The following MX1 variants were observed in gnomAD, a reference collection of about 807,000 sequenced individuals.
The protein encoded by MX1 is MX dynamin like GTPase 1.
Under a neutral mutation model 66.4 loss-of-function variants are expected in MX1, and 66 were observed. The observed-to-expected ratio is 0.99, with a 90% confidence interval of 0.82 to 1.22. The LOEUF (loss-of-function observed/expected upper bound fraction) is 1.22. Among genes scored for constraint, MX1 ranks in the 50% most tolerant of loss-of-function variants. MX1 has a pLI of 0.00. For missense variants in MX1, 787 were observed against 834.3 expected (o/e 0.94, Z 0.70); for synonymous variants, 311 against 318.1 (o/e 0.98, Z 0.24).
At chr21:41,438,654 C>T (rs2090427184) in intron 7 of MX1, among the ~76,000 whole-genome samples, 1 of 152,224 alleles carries the variant, frequency 6.6e-6, no homozygotes, top group African/African-American at 2.4e-5. Context: ...GATTTTCTCT[C>T]TCTCCATGGA....
chr21:41,425,330 G>A (rs2090040094), upstream of MX1, among the ~76,000 whole-genome samples: 1 of 152,174 alleles, frequency 6.6e-6, no homozygotes, highest in Non-Finnish European at 1.5e-5. Context: ...GGGCAGGGGT[G>A]AATCTCACAA....
At chr21:41,440,590 G>T (rs1010799799) in intron 8 of MX1, among the ~76,000 whole-genome samples, 2 of 152,116 alleles carry the variant, frequency 1.3e-5, no homozygotes, top group Non-Finnish European at 2.9e-5. Flanking sequence ...GGGGTTTTTT[G>T]GCCACCATTT....
chr21:41,449,567 A>G (rs924576255), intron 14 of MX1: 3 of 330,360 alleles, frequency 9.1e-6, no homozygotes, highest in South Asian at 7.9e-5. Flanking sequence ...CAGACCTCCT[A>G]TTCTTCTGAT....
intron 15 of MX1, among the ~76,000 whole-genome samples, chr21:41,451,759 C>T (rs1011052094): frequency 6.6e-6 from 1 of 150,476 alleles, no homozygotes; most frequent in Admixed American, 6.7e-5. Context: ...TGATTGAGCC[C>T]AGGAGGTGGA....
intron 3 of MX1, chr21:41,429,110 T>C (rs2090142435): frequency 6.6e-6 from 1 of 151,850 alleles, no homozygotes; most frequent in African/African-American, 2.4e-5. Flanking sequence ...GAGCTAGGAG[T>C]CGCCACCTCT....
At position 41,441,658 on chromosome 21, in the gene MX1, C is replaced by T. The variant is rs751383879; in HGVS notation, c.731-58C>T. The T allele has an allele frequency of 6.5e-5, 103 of 1,573,492 alleles. No homozygotes were observed. Among genetic ancestry groups the T allele is most frequent in the Non-Finnish European group, 8.3e-5 (95 of 1,143,942 alleles). On this transcript the variant is annotated intron_variant, in intron 9 of 16. Transcript: ENST00000398598. This position sits in a 1 kb window ranked among gnomAD's most constrained non-coding sequence, Gnocchi z 4.0. Reference sequence around the variant, plus strand: ...GAGGCCGGGGGCGTGAGCAGTTGTTCGTTCACCTCTGCCTCGTGACTGAGC... The same window carrying T: ...GAGGCCGGGGGCGTGAGCAGTTGTTTGTTCACCTCTGCCTCGTGACTGAGC...
intron 7 of MX1, 28 bp downstream of exon 7, chr21:41,437,180 T>G: frequency 6.2e-7 from 1 of 1,613,078 alleles, no homozygotes. Context: ...GGATGCCTGG[T>G]CAAGCCTTCT....
chr21:41,442,006 AGTGTGTGTGT>A, intron 10 of MX1, 92 bp downstream of exon 10: 1 of 909,318 alleles, frequency 1.1e-6, no homozygotes, highest in Non-Finnish European at 1.8e-6. Flanking sequence ...AGATGTGTGG[AGTGTGTGTGT>A]GTGTGTGTGC....
intron 14 of MX1, among the ~76,000 whole-genome samples, chr21:41,450,769 T>A (rs1341483399): frequency 6.6e-6 from 1 of 151,954 alleles, no homozygotes; most frequent in East Asian, 1.9e-4. Flanking sequence ...ATAATATAAA[T>A]TTTTTAATCT....
intron 15 of MX1, 38 bp from the exon 16 acceptor site, chr21:41,452,583 T>G: frequency 6.4e-7 from 1 of 1,568,354 alleles, no homozygotes; most frequent in African/African-American, 1.4e-5. Flanking sequence ...GGAATTTGTG[T>G]CTTGAGGGAA....
chr21:41,452,249 A>G (rs1005494534), intron 15 of MX1, among the ~76,000 whole-genome samples: 2 of 152,198 alleles, frequency 1.3e-5, no homozygotes, highest in African/African-American at 2.4e-5. Context: ...TGACTTAAAC[A>G]TGGCTTTCCT....
At chr21:41,440,782 C>T (rs1202473609) in intron 8 of MX1, 105 bp from the exon 9 acceptor site, 30 of 1,329,394 alleles carry the variant, frequency 2.3e-5, no homozygotes, top group Non-Finnish European at 1.7e-5. Flanking sequence ...GGGGGAAATA[C>T]CCCTGGGACT....
chr21:41,425,469 G>C (rs1049694105), upstream of MX1, among the ~76,000 whole-genome samples: 1 of 152,148 alleles, frequency 6.6e-6, no homozygotes, highest in Admixed American at 6.6e-5. Context: ...AGTTAAGGCT[G>C]TTTTTACTTC....
At chr21:41,447,668 G>T (rs2090701049) in intron 13 of MX1, among the ~76,000 whole-genome samples, 1 of 152,174 alleles carries the variant, frequency 6.6e-6, no homozygotes. Context: ...TGTGGGGTTT[G>T]GGAGTTATGT....
chr21:41,421,949 AC>A (rs2089998224), upstream of MX1: 1 of 152,338 alleles, frequency 6.6e-6, no homozygotes, highest in African/African-American at 2.4e-5. Flanking sequence ...TGAGCCATCA[AC>A]GCTGCCATTC....
chr21:41,441,041 CCCCACTGTGCTCAGTGAGA>C lies in MX1; in HGVS notation c.730+17_730+35del. ...AGGACCATCGGTGAGAGTGGGGGAG[CCCCACTGTGCTCAGTGAGA>C]ATGGGGGAGCCCGCCTGTGCTCGGT... On this transcript the variant is annotated intron_variant, in intron 9 of 16. Transcript: ENST00000398598. The surrounding 1 kb of genome is among the most constrained non-coding windows in gnomAD (Gnocchi z 4.0). 6.2e-7 allele frequency: 1 copy of C among 1,610,360 alleles called. No homozygotes were observed. Among genetic ancestry groups the C allele is most frequent in the Non-Finnish European group, 8.5e-7 (1 of 1,178,684 alleles).
rs1217556992 is a variant in MX1 at position 41,451,066 on chromosome 21, G to T, written c.1433-101G>T. The stretch of plus-strand genomic sequence containing the variant: ...AGAGAAGAAGGGAGCGGGGAGAGGG[G>T]AAACTTTACTTCATACCATTTGATC... On this transcript the variant is annotated intron_variant, in intron 14 of 16. Transcript: ENST00000398598. 6 of 773,280 alleles carry T rather than the reference G, an allele frequency of 7.8e-6. No individual in the cohort carries two copies. In the African/African-American group the frequency reaches 1.0e-4, roughly 14 times the overall value. The allele number at this position is 773,280 out of a possible 1,614,324, so 47.9% of individuals were successfully genotyped here. A position where few individuals can be genotyped will look rare whatever the true frequency, so the allele number is the denominator to read the frequency against.
chr21:41,431,061 C>T (rs764752463), intron 4 of MX1, among the ~76,000 whole-genome samples: 8 of 152,170 alleles, frequency 5.3e-5, no homozygotes, highest in South Asian at 2.1e-4. Flanking sequence ...CTCGCTCTGT[C>T]GCCCAGGCTG....
In MX1 at chr21:41,449,406, C is replaced by T. The variant is rs935712650; in HGVS notation, c.1432+111C>T. ...CCTCCTGGGGTGCATCCCACACCAA[C>T]GAGCAAACCTCTCATTCTCCAGATG... On this transcript the variant is annotated intron_variant, in intron 14 of 16. Transcript: ENST00000398598. 45 of 1,061,302 alleles carry T rather than the reference C, an allele frequency of 4.2e-5. No individual in the cohort carries two copies. In the Admixed American group the frequency reaches 5.0e-4, roughly 12 times the overall value. The allele number at this position is 1,061,302 out of a possible 1,614,324, so 65.7% of individuals were successfully genotyped here.
Sources: gnomAD v4.1 joint callset for allele counts (sites outside exome capture counted in the v4.1 genomes callset) on GRCh38, gnomAD v4.1.1 for gene constraint, Gnocchi (gnomAD v3.1) non-coding constraint, MANE v1.5 for transcripts, NCBI Gene and HGNC (gene_info 2026-07-23, HGNC 2026-07-21) for gene names.